The following CLCNKA variants were observed in gnomAD, a reference collection of about 807,000 sequenced individuals.
The protein encoded by CLCNKA is chloride voltage-gated channel Ka.
Under a neutral mutation model 83.3 loss-of-function variants are expected in CLCNKA, and 66 were observed. That is an observed-to-expected ratio of 0.79 (90% confidence interval 0.65 to 0.97). The LOEUF is 0.97. Ranked by LOEUF, CLCNKA falls within the 50% of genes least tolerant of loss-of-function variation. The pLI is 0.00. For missense variants in CLCNKA, 806 were observed against 888.7 expected (o/e 0.91, Z 1.18); for synonymous variants, 357 against 370.4 (o/e 0.96, Z 0.42).
At chr1:16,031,596 C>T in intron 15 of CLCNKA, 114 bp from the exon 16 acceptor site, 3 of 1,486,236 alleles carry the variant, frequency 2.0e-6, no homozygotes, top group Non-Finnish European at 2.8e-6. Context: ...CAGCCCTGCT[C>T]ACACTCCAGA....
chr1:16,028,714 A>G (rs545241579), intron 10 of CLCNKA, 47 bp from the exon 11 acceptor site: 1 of 1,604,730 alleles, frequency 6.2e-7, no homozygotes, highest in South Asian at 1.1e-5. Flanking sequence ...TCTCCTCGGG[A>G]TGTAGGAAAG....
Position 16,023,820 on chromosome 1 carries a change from CAGA to C in CLCNKA, c.124_126del (p.Lys42del), listed in dbSNP as rs1557447761. The C allele has an allele frequency of 4.3e-6, 7 of 1,614,160 alleles. No individual in the cohort carries two copies. Among genetic ancestry groups the C allele is most frequent in the Non-Finnish European group, 5.1e-6 (6 of 1,180,000 alleles). On this transcript the variant is annotated inframe_deletion, in exon 3 of 20. Coordinates refer to ENST00000331433, the MANE Select transcript of CLCNKA (RefSeq NM_004070.4). ...CCCAGGTGGCCTGGAGTGGCTAAAGCAGAAGGTGTTCCGCCTGGGAGAAGACTG... is the reference window on the plus strand; with the variant it reads ...CCCAGGTGGCCTGGAGTGGCTAAAGCAGGTGTTCCGCCTGGGAGAAGACTG...
chr1:16,022,741 C>T (rs1326757158), intron 2 of CLCNKA, 22 bp downstream of exon 2: 1 of 1,487,676 alleles, frequency 6.7e-7, no homozygotes, highest in East Asian at 2.5e-5. Context: ...GTCCTCTTCC[C>T]TACCCGCGGG....
intron 10 of CLCNKA, 63 bp from the exon 11 acceptor site, chr1:16,028,698 C>G: frequency 6.3e-7 from 1 of 1,595,054 alleles, no homozygotes; most frequent in Non-Finnish European, 8.6e-7. Context: ...CCAGGTCCTA[C>G]TTCCCTCTCC....
intron 2 of CLCNKA, 54 bp from the exon 3 acceptor site, chr1:16,023,746 G>A (rs1399785357): frequency 3.1e-6 from 5 of 1,609,644 alleles, no homozygotes; most frequent in Non-Finnish European, 4.2e-6. Context: ...CAGGGAAGGG[G>A]CTGTCTGTGC....
intron 2 of CLCNKA, among the ~76,000 whole-genome samples, 195 bp from the exon 3 acceptor site, chr1:16,023,605 A>G (rs527949141): frequency 6.6e-6 from 1 of 152,300 alleles, no homozygotes; most frequent in East Asian, 1.9e-4. Context: ...CCATCCTGAC[A>G]CAGCCATCTG....
chr1:16,024,855 T>A lies in CLCNKA; in HGVS notation c.322T>A (p.Ser108Thr). The part of the protein sequence containing the change: ...VYPVALVSFS[S>T]GFSQSITPSS... ...CCCTGTGGCCCTCGTCTCTTTCTCC[T>A]CAGGCTTCTCCCAGAGCATCACGCC... is the stretch of plus-strand genomic sequence containing the variant. Residue 108 changes from serine to threonine, a missense_variant, in exon 4 of 20, where the codon TCA (serine) becomes ACA (threonine). Ser to Thr is a moderately conservative substitution (Grantham distance 58). Coordinates refer to ENST00000331433, the MANE Select transcript of CLCNKA (RefSeq NM_004070.4). 1.2e-6 allele frequency: 2 copies of A among 1,614,154 alleles called. No homozygotes were observed. The highest frequency in any genetic ancestry group is 2.2e-5 in the South Asian group (2 of 91,082).
At chr1:16,026,943 CG>C in intron 7 of CLCNKA, 168 bp downstream of exon 7, 1 of 902,174 alleles carries the variant, frequency 1.1e-6, no homozygotes, top group Non-Finnish European at 1.7e-6. Context: ...CGGGGCGGGG[CG>C]GGTGGTTGGG....
intron 7 of CLCNKA, 183 bp downstream of exon 7, chr1:16,026,958 G>T: frequency 1.3e-6 from 1 of 771,932 alleles, no homozygotes; most frequent in South Asian, 1.7e-5. Flanking sequence ...GGTTGGGGGC[G>T]TGGTTGGGCG....
rs1414828191 is a variant in CLCNKA, at chr1:16,033,594, C to T, written c.2017-17C>T. The T allele has an allele frequency of 5.4e-6, 8 of 1,488,194 alleles. No individual in the cohort carries two copies. Among genetic ancestry groups the T allele is most frequent in the Non-Finnish European group, 7.3e-6 (8 of 1,097,446 alleles). 92.2% of individuals were successfully genotyped at this position (1,488,194 alleles called of 1,614,324 possible). ...CTCTACATCCCCCCCCACCTCCACCCCCTTTCTCTGTTCTAGATGAAGAAA... is the reference window on the plus strand; with the variant it reads ...CTCTACATCCCCCCCCACCTCCACCTCCTTTCTCTGTTCTAGATGAAGAAA... On this transcript the variant is annotated splice_polypyrimidine_tract_variant and intron_variant, in intron 19 of 19. Transcript: ENST00000331433.
chr1:16,026,053 A>G lies in CLCNKA; in HGVS notation c.359-55A>G, dbSNP rs945640876. 1.1e-5 allele frequency: 17 copies of G among 1,610,600 alleles called. No homozygotes were observed. In the Admixed American group the frequency reaches 2.8e-4, roughly 27 times the overall value. ...ACAGGCGTGAGCCACTGCGCCTGGC[A>G]GAGAGTTTTAATCTAGAGATTGTCC... On this transcript the variant is annotated intron_variant, in intron 4 of 19. Transcript: ENST00000331433.
Position 16,030,946 on chromosome 1 carries a change from G to A in CLCNKA, c.1622+272G>A, listed in dbSNP as rs377675167. 6.6e-5 allele frequency among the ~76,000 whole-genome samples: 10 copies of A among 152,316 alleles called. No individual in the cohort carries two copies. The East Asian group carries it at 1.3e-3, about 21-fold the overall frequency. On this transcript the variant is annotated intron_variant, in intron 15 of 19. Coordinates refer to ENST00000331433, the MANE Select transcript of CLCNKA (RefSeq NM_004070.4). Reference sequence around the variant, plus strand: ...GAGTATTGCCCCGTGTACAGATTGAGGAAACCAGAGCTCAGAGAGGTGCCG... The same window carrying A: ...GAGTATTGCCCCGTGTACAGATTGAAGAAACCAGAGCTCAGAGAGGTGCCG...
At chr1:16,027,240 T>C in intron 7 of CLCNKA, 70 bp from the exon 8 acceptor site, 2 of 1,551,076 alleles carry the variant, frequency 1.3e-6, no homozygotes, top group Non-Finnish European at 1.8e-6. Flanking sequence ...GGAGGCGAGA[T>C]GGGGGAGGGG....
chr1:16,032,124 C>G, intron 16 of CLCNKA, 79 bp from the exon 17 acceptor site: 1 of 1,405,146 alleles, frequency 7.1e-7, no homozygotes, highest in Non-Finnish European at 1.0e-6. Context: ...GGGGACACCA[C>G]CAAGGTCTTC....
rs372470559 is a variant in CLCNKA at position 16,026,586 on chromosome 1, G to A, written c.549G>A (p.Val183=). 25 of 1,613,924 alleles carry A rather than the reference G, an allele frequency of 1.5e-5. No homozygotes were observed. Among genetic ancestry groups the A allele is most frequent in the Non-Finnish European group, 1.9e-5 (22 of 1,180,026 alleles). ...SVMIAAYLGR[V]RTTTIGEPEN... Reference sequence around the variant, plus strand: ...TGATCGCTGCCTACCTGGGCCGTGTGCGCACCACGACCATCGGGGAGCCTG... The same window carrying A: ...TGATCGCTGCCTACCTGGGCCGTGTACGCACCACGACCATCGGGGAGCCTG... The change falls in exon 6 of 20, where the codon GTG becomes GTA. Residue 183 remains valine, a synonymous_variant. Transcript: ENST00000331433.
chr1:16,022,380 CAG>C (rs990323712), intron 1 of CLCNKA, among the ~76,000 whole-genome samples: 10 of 152,150 alleles, frequency 6.6e-5, no homozygotes, highest in East Asian at 3.8e-4. Flanking sequence ...CTGCTGGACA[CAG>C]GGGGACACCT....
intron 18 of CLCNKA, 94 bp from the exon 19 acceptor site, chr1:16,033,076 C>T (rs2022699057): frequency 1.5e-6 from 2 of 1,321,960 alleles, no homozygotes; most frequent in Admixed American, 3.4e-5. Flanking sequence ...TCAGGCCCCG[C>T]CCCTCTTCCT....
intron 17 of CLCNKA, 46 bp downstream of exon 17, chr1:16,032,337 C>T (rs2022658444): frequency 6.8e-7 from 1 of 1,472,788 alleles, no homozygotes; most frequent in Non-Finnish European, 9.5e-7. Flanking sequence ...GGTGGGTCAG[C>T]AGGGATGGGA....
chr1:16,033,695 A>T lies in CLCNKA; in HGVS notation c.*37A>T. ...AAGATGAAACAGGGCACCCCAGCTG[A>T]CCTGGTACTGAGGTTGGGCTGAGAC... On this transcript the variant is annotated 3_prime_UTR_variant, in exon 20 of 20. Coordinates refer to ENST00000331433, the MANE Select transcript of CLCNKA (RefSeq NM_004070.4). The T allele has an allele frequency of 6.7e-7, 1 of 1,491,510 alleles. No individual in the cohort carries two copies. The highest frequency in any genetic ancestry group is 9.2e-7 in the Non-Finnish European group (1 of 1,082,896). 92.4% of individuals were successfully genotyped at this position (1,491,510 alleles called of 1,614,324 possible).
Sources: allele counts gnomAD v4.1 joint callset (sites outside exome capture counted in the v4.1 genomes callset), GRCh38; gene constraint gnomAD v4.1.1; transcripts MANE v1.5; gene names NCBI Gene and HGNC (gene_info 2026-07-23, HGNC 2026-07-21).